Variants in DNAJA4 observed in about 807,000 individuals in gnomAD.
DNAJA4 encodes dnaJ homolog subfamily A member 4.
DNAJA4 carries 32 observed loss-of-function variants against 39.7 expected under a neutral mutation model. The observed-to-expected ratio is 0.81, with a 90% CI of 0.61 to 1.08. DNAJA4 has a LOEUF of 1.08. Among genes scored for constraint, DNAJA4 ranks in the 50% least tolerant of loss-of-function variants. DNAJA4 has a pLI of 0.00. For synonymous variants in DNAJA4, 184 were observed against 182.4 expected, an observed-to-expected ratio of 1.01 and a Z score of -0.07; for missense variants, 439 against 505.1, an observed-to-expected ratio of 0.87 and a Z score of 1.25.
intron 2 of DNAJA4, among the ~76,000 whole-genome samples, chr15:78,271,745 G>A (rs922690040): frequency 2.6e-5 from 4 of 152,154 alleles, no homozygotes; most frequent in African/African-American, 9.7e-5. Flanking sequence ...TAATAGACTA[G>A]TTCCCATTCC....
At chr15:78,280,204 GA>G in intron 6 of DNAJA4, 40 bp from the exon 7 acceptor site, 6 of 1,611,138 alleles carry the variant, frequency 3.7e-6, no homozygotes, top group Non-Finnish European at 5.1e-6. Context: ...ATTGGAAGGG[GA>G]AAAAACAGCC....
At chr15:78,271,989 G>GAAAATCACAAAGTGTTTATTAGGGA (rs1254183170) in intron 2 of DNAJA4, among the ~76,000 whole-genome samples, 2 of 152,104 alleles carry the variant, frequency 1.3e-5, no homozygotes, top group Non-Finnish European at 2.9e-5. Context: ...ATAGAGTGCT[G>GAAAATCACAAAGTGTTTATTAGGGA]AAAATCACAA....
intron 1 of DNAJA4, 197 bp from the exon 2 acceptor site, chr15:78,270,300 G>T (rs1162276315): frequency 3.2e-5 from 18 of 561,912 alleles, no homozygotes; most frequent in Non-Finnish European, 5.0e-5. Context: ...CCCTTAATAT[G>T]TTTGCCCTGT....
At position 78,280,522 on chromosome 15, in the gene DNAJA4, T is replaced by C; in HGVS notation, c.*62T>C. On this transcript the variant is annotated 3_prime_UTR_variant, in exon 7 of 7. Coordinates refer to ENST00000394852, the MANE Select transcript of DNAJA4 (RefSeq NM_001130182.2). ...CATGATGAATGTAAAGTTGGCACAA[T>C]GAAAATGACATCGCTTTAATGGCCT... is the stretch of plus-strand genomic sequence containing the variant. The C allele has an allele frequency of 2.1e-6, 3 of 1,399,790 alleles. No individual in the cohort carries two copies. The highest frequency in any genetic ancestry group is 2.9e-6 in the Non-Finnish European group (3 of 1,023,766). 86.7% of individuals were successfully genotyped at this position (1,399,790 alleles called of 1,614,324 possible).
At chr15:78,275,177 C>G (rs780777390) in intron 4 of DNAJA4, 27 of 336,612 alleles carry the variant, frequency 8.0e-5, no homozygotes, top group Non-Finnish European at 1.4e-4. Flanking sequence ...GCACCCTGTG[C>G]CCCGGGAAGT....
rs1355116937 is a variant in DNAJA4, at chr15:78,280,124, G to A, written c.957G>A (p.Gly319=). 3 of 1,614,234 alleles carry A rather than the reference G, an allele frequency of 1.9e-6. No homozygotes were observed. The South Asian group carries it at 3.3e-5, about 18-fold the overall frequency. The change falls in exon 6 of 7, where the codon GGG becomes GGA. Residue 319 remains glycine, a synonymous_variant. Coordinates refer to ENST00000394852, the MANE Select transcript of DNAJA4 (RefSeq NM_001130182.2). ...MPIYKAPLEK[G]ILIIQFLVIF... is the part of the protein sequence containing the mutation. The stretch of plus-strand genomic sequence containing the variant: ...TCTACAAAGCACCCCTGGAAAAAGG[G>A]ATTCTGATCATACAGTTTTTAGTAA...
intron 1 of DNAJA4, 81 bp downstream of exon 1, chr15:78,264,976 A>G: frequency 7.1e-7 from 1 of 1,403,674 alleles, no homozygotes. Context: ...GCGACGGGAA[A>G]CCTGAGCCGC....
intron 3 of DNAJA4, 93 bp from the exon 4 acceptor site, chr15:78,274,104 G>A (rs2049377262): frequency 9.0e-7 from 1 of 1,112,006 alleles, no homozygotes; most frequent in African/African-American, 1.6e-5. Flanking sequence ...ATTGTCCAAT[G>A]TGAGGGTTCC....
intron 4 of DNAJA4, 60 bp downstream of exon 4, chr15:78,274,484 G>A (rs536525711): frequency 2.7e-4 from 396 of 1,453,160 alleles, no homozygotes; most frequent in Non-Finnish European, 3.5e-4. Flanking sequence ...GGTGCTAATC[G>A]TGAGATACAC....
intron 1 of DNAJA4, among the ~76,000 whole-genome samples, chr15:78,266,892 G>A (rs769607285): frequency 7.9e-5 from 12 of 152,176 alleles, no homozygotes; most frequent in Non-Finnish European, 1.6e-4. Context: ...TGTGTAGGAG[G>A]AGAGGGCCCT....
At chr15:78,276,645 A>C (rs1455906353) in intron 5 of DNAJA4, among the ~76,000 whole-genome samples, 1 of 152,266 alleles carries the variant, frequency 6.6e-6, no homozygotes, top group African/African-American at 2.4e-5. Flanking sequence ...ACGCCACCGA[A>C]GCAGCCTGGG....
At position 78,279,674 on chromosome 15, in the gene DNAJA4, C is replaced by T. The variant is rs772700766; in HGVS notation, c.878-371C>T. On this transcript the variant is annotated intron_variant, in intron 5 of 6. Transcript: ENST00000394852. This position sits in a 1 kb window ranked among gnomAD's most constrained non-coding sequence, Gnocchi z 4.5. Reference sequence around the variant, plus strand: ...CTGTGGGGAGCACTCCTGTCCCCCTCGTGGTAGGGATACCTGTCACCCCAC... The same window carrying T: ...CTGTGGGGAGCACTCCTGTCCCCCTTGTGGTAGGGATACCTGTCACCCCAC... 14 of 254,024 alleles carry T rather than the reference C, an allele frequency of 5.5e-5. No homozygotes were observed. Among genetic ancestry groups the T allele is most frequent in the African/African-American group, 2.2e-4 (10 of 45,080 alleles). The allele number at this position is 254,024 out of a possible 1,614,324, so 15.7% of individuals were successfully genotyped here.
intron 4 of DNAJA4, chr15:78,274,701 C>T (rs2049399514): frequency 2.2e-6 from 1 of 457,682 alleles, no homozygotes; most frequent in South Asian, 2.2e-5. Context: ...TCTTACCTGG[C>T]CTTGGTTTGG....
intron 1 of DNAJA4, among the ~76,000 whole-genome samples, chr15:78,268,104 T>TC (rs2049193517): frequency 6.6e-6 from 1 of 152,230 alleles, no homozygotes; most frequent in Admixed American, 6.5e-5. Flanking sequence ...GTACTCCTTT[T>TC]CCATTCTTAG....
At chr15:78,275,201 A>G (rs3813574) in intron 4 of DNAJA4, 73,450 of 391,786 alleles carry the variant, frequency 0.19, 7,480 homozygotes, top group Admixed American at 0.3. Context: ...CGGTGACCCT[A>G]TGCTGGTGGT....
intron 5 of DNAJA4, among the ~76,000 whole-genome samples, chr15:78,276,872 C>T (rs565979466): frequency 2.0e-5 from 3 of 152,202 alleles, no homozygotes; most frequent in African/African-American, 7.2e-5. Context: ...CTGTTCCCTC[C>T]GTGTCCCTCT....
At position 78,280,917 on chromosome 15, in the gene DNAJA4, C is replaced by G. The variant is rs2049637537; in HGVS notation, c.*457C>G. The G allele has an allele frequency of 6.2e-6, 1 of 160,016 alleles. No homozygotes were observed. Among genetic ancestry groups the G allele is most frequent in the African/African-American group, 2.4e-5 (1 of 41,496 alleles). 9.9% of individuals were successfully genotyped at this position (160,016 alleles called of 1,614,324 possible). Reference sequence around the variant, plus strand: ...TTGGCAGAGTTATTGAGGGCATGATCTCAGGGCTGCTAAGATAACATTTCT... The same window carrying G: ...TTGGCAGAGTTATTGAGGGCATGATGTCAGGGCTGCTAAGATAACATTTCT... On this transcript the variant is annotated 3_prime_UTR_variant, in exon 7 of 7. Coordinates refer to ENST00000394852, the MANE Select transcript of DNAJA4 (RefSeq NM_001130182.2).
chr15:78,274,733 T>A (rs917062356), intron 4 of DNAJA4: 3 of 402,630 alleles, frequency 7.5e-6, no homozygotes, highest in African/African-American at 4.1e-5. Context: ...TCTCCTGACA[T>A]TCTCAAGCCA....
rs1425239302 is a variant in DNAJA4 at position 78,275,676 on chromosome 15, G to C, written c.825G>C (p.Lys275Asn). 2.5e-6 allele frequency: 4 copies of C among 1,613,964 alleles called. No homozygotes were observed. Among genetic ancestry groups the C allele is most frequent in the Non-Finnish European group, 3.4e-6 (4 of 1,179,976 alleles). Residue 275 changes from lysine to asparagine, a missense_variant, in exon 5 of 7, where the codon AAG (lysine) becomes AAC (asparagine). By Grantham distance (94) the Lys-to-Asn change is moderately conservative. Coordinates refer to ENST00000394852, the MANE Select transcript of DNAJA4 (RefSeq NM_001130182.2). ...IQLSEALCGF[K>N]KTIKTLDNRI... Reference sequence around the variant, plus strand: ...TTTCTGAAGCTCTTTGTGGCTTCAAGAAGACGATAAAAACATTGGACAATC... The same window carrying C: ...TTTCTGAAGCTCTTTGTGGCTTCAACAAGACGATAAAAACATTGGACAATC...
Sources: allele counts gnomAD v4.1 joint callset (sites outside exome capture counted in the v4.1 genomes callset), GRCh38; gene constraint gnomAD v4.1.1; non-coding constraint Gnocchi (gnomAD v3.1); transcripts MANE v1.5; gene names NCBI Gene and HGNC (gene_info 2026-07-23, HGNC 2026-07-21).